Variants in AGBL4 observed in about 807,000 individuals in gnomAD.
AGBL4 encodes cytosolic carboxypeptidase 6.
A neutral mutation model predicts 66.4 loss-of-function variants in AGBL4; 58 were observed. The ratio of observed to expected loss-of-function variants is 0.87; its 90% confidence interval spans 0.71 to 1.09. The LOEUF is 1.09. Among genes scored for constraint, AGBL4 ranks in the 50% least tolerant of loss-of-function variants. AGBL4 has a pLI of 0.00. For synonymous variants in AGBL4, 234 were observed against 222.9 expected (o/e 1.05, Z -0.44); for missense variants, 579 against 631.0 (o/e 0.92, Z 0.88).
At chr1:49,131,787 C>A (rs1221060394) in intron 4 of AGBL4, among the ~76,000 whole-genome samples, 1 of 151,832 alleles carries the variant, frequency 6.6e-6, no homozygotes, top group Non-Finnish European at 1.5e-5. Flanking sequence ...TAATTTCTGC[C>A]CTAGACAACT....
chr1:48,856,647 A>G (rs1647163785), intron 6 of AGBL4, among the ~76,000 whole-genome samples: 2 of 152,202 alleles, frequency 1.3e-5, no homozygotes, highest in African/African-American at 4.8e-5. Flanking sequence ...AAAAGCCCAG[A>G]GTTGTCATGT....
chr1:49,393,160 T>C (rs1644885493), intron 3 of AGBL4, among the ~76,000 whole-genome samples: 1 of 152,200 alleles, frequency 6.6e-6, no homozygotes, highest in African/African-American at 2.4e-5. Context: ...ACTCAGTGAA[T>C]GATGGTACTG....
At chr1:50,012,048 A>T (rs1003948851) in intron 1 of AGBL4, among the ~76,000 whole-genome samples, 21 of 151,894 alleles carry the variant, frequency 1.4e-4, no homozygotes, top group Admixed American at 3.3e-4. Context: ...AGTCCCAGCT[A>T]CTCGGGAGGC....
At chr1:48,672,194 T>C (rs1646287348) in intron 6 of AGBL4, among the ~76,000 whole-genome samples, 1 of 152,248 alleles carries the variant, frequency 6.6e-6, no homozygotes, top group Admixed American at 6.5e-5. Flanking sequence ...GAGTTCAGCC[T>C]GCCTGCTAGT....
intron 1 of AGBL4, among the ~76,000 whole-genome samples, chr1:49,871,323 A>C (rs180835078): frequency 1.3e-5 from 2 of 152,058 alleles, no homozygotes; most frequent in East Asian, 3.8e-4. Flanking sequence ...AGACAGATTT[A>C]ATTGGCCCCA....
chr1:48,913,858 G>C (rs1320930068), intron 5 of AGBL4, among the ~76,000 whole-genome samples: 1 of 152,108 alleles, frequency 6.6e-6, no homozygotes, highest in Non-Finnish European at 1.5e-5. Context: ...GGGGACTGCT[G>C]GCTTAAGGGT....
At chr1:49,912,660 G>A (rs1308884401) in intron 1 of AGBL4, among the ~76,000 whole-genome samples, 1 of 152,064 alleles carries the variant, frequency 6.6e-6, no homozygotes, top group Non-Finnish European at 1.5e-5. Flanking sequence ...AGACCATTAT[G>A]CTACCCTAAC....
At chr1:49,338,365 G>A (rs1276939826) in intron 3 of AGBL4, among the ~76,000 whole-genome samples, 1 of 152,196 alleles carries the variant, frequency 6.6e-6, no homozygotes, top group African/African-American at 2.4e-5. Flanking sequence ...ACTCCTCCAT[G>A]TAACCTGAAG....
intron 3 of AGBL4, among the ~76,000 whole-genome samples, chr1:49,302,339 G>A (rs1453878794): frequency 6.6e-6 from 1 of 151,168 alleles, no homozygotes; most frequent in Non-Finnish European, 1.5e-5. Flanking sequence ...TGCAACCTCT[G>A]CCTCCCAGGT....
intron 2 of AGBL4, among the ~76,000 whole-genome samples, chr1:49,776,451 T>G (rs942702118): frequency 2.6e-5 from 4 of 152,092 alleles, no homozygotes; most frequent in Non-Finnish European, 5.9e-5. Context: ...ATCCAGAATC[T>G]TTAACACTGT....
At chr1:48,614,449 A>G (rs936458110) in intron 9 of AGBL4, among the ~76,000 whole-genome samples, 1 of 152,214 alleles carries the variant, frequency 6.6e-6, no homozygotes, top group African/African-American at 2.4e-5. Context: ...CTTGAATAGG[A>G]CCCAGTAGTA....
At chr1:49,304,065 C>T (rs1644804979) in intron 3 of AGBL4, among the ~76,000 whole-genome samples, 1 of 152,126 alleles carries the variant, frequency 6.6e-6, no homozygotes, top group African/African-American at 2.4e-5. Context: ...TGTCTATGTC[C>T]TGCATGGTAT....
chr1:49,626,539 T>C (rs1417175405), intron 3 of AGBL4, among the ~76,000 whole-genome samples: 2 of 152,158 alleles, frequency 1.3e-5, no homozygotes, highest in South Asian at 2.1e-4. Context: ...TAGGAGTCTA[T>C]GCTGTTGAGA....
chr1:50,007,683 C>T (rs1269157103), intron 1 of AGBL4, among the ~76,000 whole-genome samples: 1 of 152,124 alleles, frequency 6.6e-6, no homozygotes, highest in Non-Finnish European at 1.5e-5. Flanking sequence ...AAGATGATTG[C>T]TTGAACCCAG....
chr1:49,654,836 T>A (rs1646088324), intron 3 of AGBL4, among the ~76,000 whole-genome samples: 1 of 152,156 alleles, frequency 6.6e-6, no homozygotes, highest in Non-Finnish European at 1.5e-5. Context: ...TGAGATCGGT[T>A]TCCTGAATAC....
At position 48,838,518 on chromosome 1, in the gene AGBL4, C is replaced by A. The variant is rs184673041; in HGVS notation, c.634+28673G>T. 5.9e-5 allele frequency among the ~76,000 whole-genome samples: 9 copies of A among 152,168 alleles called. No homozygotes were observed. In the East Asian group the frequency reaches 1.5e-3, roughly 26 times the overall value. ...AATAAAACTAGACCCCTATCTCTCA[C>A]CATATATAAAAATCAAATAAAAATA... On this transcript the variant is annotated intron_variant, in intron 6 of 13. Transcript: ENST00000371839.
chr1:50,023,740 C>T, intron 1 of AGBL4, 23 bp downstream of exon 1: 2 of 1,546,610 alleles, frequency 1.3e-6, no homozygotes, highest in Non-Finnish European at 1.7e-6. Context: ...TCAGCCTTCC[C>T]CAGATCGGCC....
At chr1:49,624,241 T>G (rs931108677) in intron 3 of AGBL4, among the ~76,000 whole-genome samples, 3 of 152,126 alleles carry the variant, frequency 2.0e-5, no homozygotes, top group Non-Finnish European at 4.4e-5. Context: ...GTAATTGTGG[T>G]TACTGTATTA....
At chr1:48,753,465 C>A (rs745651554) in intron 6 of AGBL4, among the ~76,000 whole-genome samples, 3 of 152,260 alleles carry the variant, frequency 2.0e-5, no homozygotes, top group Middle Eastern at 3.4e-3. Context: ...CCATCAGAGA[C>A]CTGGGCTTAA....
Sources: gnomAD v4.1 joint callset for allele counts (sites outside exome capture counted in the v4.1 genomes callset) on GRCh38, gnomAD v4.1.1 for gene constraint, MANE v1.5 for transcripts, NCBI Gene and HGNC (gene_info 2026-07-23, HGNC 2026-07-21) for gene names.